Variants in PTPRZ1 observed in about 807,000 individuals in gnomAD.
PTPRZ1 encodes receptor-type tyrosine-protein phosphatase zeta.
A neutral mutation model predicts 214.1 loss-of-function variants in PTPRZ1; 82 were observed. The observed-to-expected ratio is 0.38, with a 90% CI of 0.32 to 0.46. PTPRZ1 has a LOEUF of 0.46. Among genes scored for constraint, PTPRZ1 ranks in the 20% least tolerant of loss-of-function variants. The probability of loss-of-function intolerance (pLI) is 1.00; values close to 1 mark genes in which losing one functional copy is unlikely to be tolerated. For synonymous variants in PTPRZ1, 945 were observed against 987.9 expected, an observed-to-expected ratio of 0.96 and a Z score of 0.81; for missense variants, 2,603 against 2,748.7, an observed-to-expected ratio of 0.95 and a Z score of 1.19.
Position 121,990,512 on chromosome 7 carries a change from C to CTTT in PTPRZ1, c.929-5845_929-5843dup, listed in dbSNP as rs758696565. ...TCCTGAAAGAGTTAGTGAAAACTGT[C>CTTT]TTTTTTTTTTTTTTTTTTTTTTTTT... On this transcript the variant is annotated intron_variant, in intron 8 of 29. Coordinates refer to ENST00000393386, the MANE Select transcript of PTPRZ1 (RefSeq NM_002851.3). 3.9e-4 allele frequency among the ~76,000 whole-genome samples: 29 copies of CTTT among 73,466 alleles called. 1 individual carries two copies. Among genetic ancestry groups the CTTT allele is most frequent in the South Asian group, 6.1e-4 (1 of 1,644 alleles). 48.2% of individuals were successfully genotyped at this position (73,466 alleles called of 152,430 possible). A position where few individuals can be genotyped will look rare whatever the true frequency, so the allele number is the denominator to read the frequency against.
intron 11 of PTPRZ1, among the ~76,000 whole-genome samples, chr7:122,010,068 T>C (rs557492517): frequency 1.2e-4 from 19 of 152,296 alleles, no homozygotes; most frequent in African/African-American, 2.9e-4. Flanking sequence ...CTTTTAAATA[T>C]GTGGTATCTA....
chr7:121,909,738 A>G (rs1301254761), intron 1 of PTPRZ1, among the ~76,000 whole-genome samples: 2 of 152,170 alleles, frequency 1.3e-5, no homozygotes, highest in African/African-American at 4.8e-5. Context: ...ATGAAAGTAA[A>G]AAGGTAATAT....
At position 121,984,017 on chromosome 7, in the gene PTPRZ1, G is replaced by C; in HGVS notation, c.828G>C (p.Met276Ile). 1.2e-6 allele frequency: 2 copies of C among 1,613,648 alleles called. No individual in the cohort carries two copies. Among genetic ancestry groups the C allele is most frequent in the Non-Finnish European group, 1.7e-6 (2 of 1,179,756 alleles). The change falls in exon 8 of 30, where the codon ATG becomes ATC. Residue 276 changes from methionine (M) to isoleucine (I), a missense_variant. By Grantham distance (10) the Met-to-Ile change is conservative. Transcript: ENST00000393386. The part of the protein sequence containing the change: ...VLTMQQSGYV[M>I]LMDYLQNNFR... ...CAATGCAACAATCTGGTTATGTCATGCTGATGGACTACTTACAAAACAATT... is the reference window on the plus strand; with the variant it reads ...CAATGCAACAATCTGGTTATGTCATCCTGATGGACTACTTACAAAACAATT...
chr7:121,988,561 T>C (rs1797840601), intron 8 of PTPRZ1, among the ~76,000 whole-genome samples: 1 of 152,202 alleles, frequency 6.6e-6, no homozygotes, highest in Non-Finnish European at 1.5e-5. Flanking sequence ...CTTGCCTTGC[T>C]TCAGGGGTGT....
chr7:121,979,027 A>C (rs568432149), intron 6 of PTPRZ1, among the ~76,000 whole-genome samples: 4 of 151,290 alleles, frequency 2.6e-5, no homozygotes, highest in African/African-American at 9.7e-5. Flanking sequence ...CCACAGCTAA[A>C]TCCCCAAATT....
intron 1 of PTPRZ1, among the ~76,000 whole-genome samples, chr7:121,874,061 C>CACACACACACACACCT (rs1415912592): frequency 3.8e-4 from 57 of 151,882 alleles, no homozygotes; most frequent in African/African-American, 1.3e-3. Context: ...CACACACACA[C>CACACACACACACACCT]ACACCTGAAA....
At chr7:121,987,819 C>T (rs1584714969) in intron 8 of PTPRZ1, among the ~76,000 whole-genome samples, 1 of 152,142 alleles carries the variant, frequency 6.6e-6, no homozygotes, top group Non-Finnish European at 1.5e-5. Flanking sequence ...AGTACATATA[C>T]ACTATGGAAC....
rs1329661865 is a variant in PTPRZ1, at chr7:122,012,535, T to C, written c.3489T>C (p.Pro1163=). 1 of 1,614,150 alleles carries C rather than the reference T, an allele frequency of 6.2e-7. No individual in the cohort carries two copies. The highest frequency in any genetic ancestry group is 8.5e-7 in the Non-Finnish European group (1 of 1,180,010). ...CTGCTTCTAGTGAAATGTTATCTCCTTCAACTCAGCTCTTATTTTATGAGA... is the reference window on the plus strand; with the variant it reads ...CTGCTTCTAGTGAAATGTTATCTCCCTCAACTCAGCTCTTATTTTATGAGA... ...SDPASSEMLS[P]STQLLFYETS... Residue 1163 remains proline, a synonymous_variant, in exon 12 of 30, where the codon CCT becomes CCC. Coordinates refer to ENST00000393386, the MANE Select transcript of PTPRZ1 (RefSeq NM_002851.3).
chr7:121,906,454 A>T (rs1016801943), intron 1 of PTPRZ1, among the ~76,000 whole-genome samples: 1 of 152,162 alleles, frequency 6.6e-6, no homozygotes, highest in Admixed American at 6.6e-5. Context: ...TTTTCATCAA[A>T]TGTTATAAAT....
At chr7:122,003,449 A>C (rs1283886015) in intron 10 of PTPRZ1, among the ~76,000 whole-genome samples, 1 of 152,162 alleles carries the variant, frequency 6.6e-6, no homozygotes, top group Non-Finnish European at 1.5e-5. Context: ...TATGGTTTTC[A>C]ATATATTAAT....
At chr7:121,892,013 T>G (rs1794642583) in intron 1 of PTPRZ1, among the ~76,000 whole-genome samples, 1 of 152,146 alleles carries the variant, frequency 6.6e-6, no homozygotes, top group African/African-American at 2.4e-5. Flanking sequence ...GTTCTTAAGT[T>G]TTTTTGTTTT....
intron 2 of PTPRZ1, among the ~76,000 whole-genome samples, chr7:121,958,364 A>G (rs1796774840): frequency 6.6e-6 from 1 of 152,126 alleles, no homozygotes; most frequent in African/African-American, 2.4e-5. Context: ...TATGACTTTC[A>G]TGATACCATT....
chr7:122,031,387 AGTT>A, intron 14 of PTPRZ1, 84 bp from the exon 15 acceptor site: 1 of 884,230 alleles, frequency 1.1e-6, no homozygotes, highest in Non-Finnish European at 1.8e-6. Flanking sequence ...AAATAATTGA[AGTT>A]GTTTCAGAAG....
At chr7:122,006,085 G>A (rs1798476591) in intron 11 of PTPRZ1, among the ~76,000 whole-genome samples, 1 of 151,928 alleles carries the variant, frequency 6.6e-6, no homozygotes, top group Non-Finnish European at 1.5e-5. Context: ...ATAATATTTA[G>A]CTGTGTGAAT....
chr7:121,917,713 A>C (rs1218860467), intron 1 of PTPRZ1, among the ~76,000 whole-genome samples: 1 of 152,174 alleles, frequency 6.6e-6, no homozygotes. Context: ...CCCTATTTTT[A>C]AATTGTGGAA....
At chr7:121,946,562 A>G (rs1253501615) in intron 2 of PTPRZ1, among the ~76,000 whole-genome samples, 1 of 152,226 alleles carries the variant, frequency 6.6e-6, no homozygotes, top group Admixed American at 6.5e-5. Flanking sequence ...CCTGTTGAAC[A>G]AAATAGGAAA....
rs1798630107 is a variant in PTPRZ1, at chr7:122,010,757, G to A, written c.1711G>A (p.Glu571Lys). The change falls in exon 12 of 30, where the codon GAG (glutamate) becomes AAG (lysine). Residue 571 changes from glutamate to lysine, a missense_variant. This residue lies in a region of PTPRZ1 where 1,913 missense variants were observed against 1,914.3 expected (regional missense o/e 1.00). Coordinates refer to ENST00000393386, the MANE Select transcript of PTPRZ1 (RefSeq NM_002851.3). ...AGTTTCTATAACAGAATATGAGGAG[G>A]AGAGTTTATTGACCAGTTTCAAGCT... ...NTVSITEYEE[E>K]SLLTSFKLDT... 2 of 1,614,004 alleles carry A rather than the reference G, an allele frequency of 1.2e-6. No individual in the cohort carries two copies. Among genetic ancestry groups the A allele is most frequent in the Non-Finnish European group, 1.7e-6 (2 of 1,179,972 alleles).
chr7:121,948,938 G>A (rs566430556), intron 2 of PTPRZ1, among the ~76,000 whole-genome samples: 31 of 152,050 alleles, frequency 2.0e-4, no homozygotes, highest in Non-Finnish European at 4.0e-4. Context: ...TGTGAGACAG[G>A]TCTCAGTTAA....
chr7:121,999,498 A>G (rs970176897), intron 10 of PTPRZ1, among the ~76,000 whole-genome samples: 4 of 152,208 alleles, frequency 2.6e-5, no homozygotes, highest in African/African-American at 9.6e-5. Context: ...GAAATATGGC[A>G]TATAAAAAAA....
Sources: allele counts gnomAD v4.1 joint callset (sites outside exome capture counted in the v4.1 genomes callset), GRCh38; gene constraint gnomAD v4.1.1; regional missense constraint gnomAD v4.1.1; transcripts MANE v1.5; gene names NCBI Gene and HGNC (gene_info 2026-07-23, HGNC 2026-07-21).